The following GALNTL6 variants were observed in gnomAD, a reference collection of about 807,000 sequenced individuals.
GALNTL6 encodes the protein polypeptide N-acetylgalactosaminyltransferase like 6, also known as polypeptide N-acetylgalactosaminyltransferase-like 6.
In GALNTL6, 46 loss-of-function variants were observed where a neutral mutation model predicts 73.7. That is an observed-to-expected ratio of 0.62 (90% CI 0.49 to 0.80). The LOEUF (loss-of-function observed/expected upper bound fraction) is 0.80, where lower values mean the gene tolerates loss of function less well. Ranked by LOEUF, GALNTL6 falls within the 30% of genes least tolerant of loss-of-function variation. GALNTL6 has a pLI of 0.00. For missense variants in GALNTL6, 604 were observed against 755.0 expected (o/e 0.80, Z 2.34); for synonymous variants, 259 against 263.7 (o/e 0.98, Z 0.17).
Position 172,952,240 on chromosome 4 carries a change from G to A in GALNTL6, c.1353G>A (p.Pro451=), listed in dbSNP as rs778756030. The A allele has an allele frequency of 1.1e-5, 17 of 1,613,732 alleles. No homozygotes were observed. In the South Asian group the frequency reaches 1.2e-4, roughly 11 times the overall value. ...AATACTACCCTCCAGTGGAGCCCCCGCCTGCTGCCTGGGGGGAGGTGAGGA... is the reference window on the plus strand; with the variant it reads ...AATACTACCCTCCAGTGGAGCCCCCACCTGCTGCCTGGGGGGAGGTGAGGA... ...VPKYYPPVEP[P]PAAWGEIRNV... Residue 451 remains proline, a synonymous_variant, in exon 10 of 13, where the codon CCG becomes CCA. Transcript: ENST00000506823.
At chr4:172,298,601 C>G (rs1253587147) in intron 3 of GALNTL6, among the ~76,000 whole-genome samples, 2 of 152,074 alleles carry the variant, frequency 1.3e-5, no homozygotes, top group East Asian at 3.9e-4. Context: ...TGTCAAAGAC[C>G]TTTTCTGCAT....
At chr4:172,369,007 A>T (rs922639445) in intron 5 of GALNTL6, among the ~76,000 whole-genome samples, 2 of 152,214 alleles carry the variant, frequency 1.3e-5, no homozygotes, top group Non-Finnish European at 2.9e-5. Flanking sequence ...GCAAAAGAAC[A>T]AAGCTTCCAC....
chr4:172,242,100 AT>A (rs896172262), intron 3 of GALNTL6, among the ~76,000 whole-genome samples: 29 of 151,724 alleles, frequency 1.9e-4, no homozygotes, highest in Admixed American at 9.2e-4. Context: ...TCCACGTATA[AT>A]TTTTTTTTAA....
At chr4:172,610,483 A>G (rs1385723277) in intron 5 of GALNTL6, among the ~76,000 whole-genome samples, 1 of 152,076 alleles carries the variant, frequency 6.6e-6, no homozygotes, top group African/African-American at 2.4e-5. Context: ...CTTAATTTCC[A>G]TACAATTGTA....
intron 2 of GALNTL6, among the ~76,000 whole-genome samples, chr4:171,979,397 A>C (rs1739822818): frequency 6.6e-6 from 1 of 152,192 alleles, no homozygotes; most frequent in Non-Finnish European, 1.5e-5. Context: ...GTGAAAGAAA[A>C]AATATCGACA....
At chr4:172,487,298 C>CTTTCCTTCCTTCTT (rs1733711258) in intron 5 of GALNTL6, among the ~76,000 whole-genome samples, 2 of 60,618 alleles carry the variant, frequency 3.3e-5, no homozygotes, top group Non-Finnish European at 7.7e-5. Flanking sequence ...TTCTTTCCTT[C>CTTTCCTTCCTTCTT]TGTCTTTCTT....
chr4:172,586,015 G>T (rs1250962158), intron 5 of GALNTL6, among the ~76,000 whole-genome samples: 1 of 152,178 alleles, frequency 6.6e-6, no homozygotes, highest in Admixed American at 6.5e-5. Context: ...AAAAATAGAT[G>T]CTGGTGAGGC....
intron 4 of GALNTL6, among the ~76,000 whole-genome samples, chr4:172,339,467 T>C: frequency 6.6e-6 from 1 of 152,080 alleles, no homozygotes; most frequent in African/African-American, 2.4e-5. Flanking sequence ...CAATTCTGGC[T>C]CTGGAGGCTC....
intron 4 of GALNTL6, among the ~76,000 whole-genome samples, chr4:172,338,552 G>T (rs1741430010): frequency 6.6e-6 from 1 of 152,106 alleles, no homozygotes; most frequent in Non-Finnish European, 1.5e-5. Context: ...CCCAACTTCT[G>T]TTGGGTGGTT....
intron 7 of GALNTL6, among the ~76,000 whole-genome samples, chr4:172,880,799 G>A (rs10004584): frequency 0.64 from 96,776 of 151,968 alleles, 32,894 homozygotes; most frequent in East Asian, 0.89. Flanking sequence ...AGGAACATCA[G>A]TAAAGGTACA....
chr4:172,579,293 G>A lies in GALNTL6; in HGVS notation c.554-230068G>A, dbSNP rs570023178. ...GGTATATAATCAAAATTTTTTCAACGCAACAAGTATTTTTGCCCTGCATTT... is the reference window on the plus strand; with the variant it reads ...GGTATATAATCAAAATTTTTTCAACACAACAAGTATTTTTGCCCTGCATTT... On this transcript the variant is annotated intron_variant, in intron 5 of 12. Transcript: ENST00000506823. Among the ~76,000 whole-genome samples, 17 of 152,154 alleles carry A rather than the reference G, an allele frequency of 1.1e-4. No individual in the cohort carries two copies. The South Asian group carries it at 2.9e-3, about 26-fold the overall frequency.
chr4:172,281,793 T>C (rs1739069484), intron 3 of GALNTL6, among the ~76,000 whole-genome samples: 1 of 152,168 alleles, frequency 6.6e-6, no homozygotes, highest in South Asian at 2.1e-4. Flanking sequence ...AAATTCTTAA[T>C]TTAATCACAT....
intron 5 of GALNTL6, among the ~76,000 whole-genome samples, chr4:172,496,553 A>G (rs767765127): frequency 1.3e-5 from 2 of 151,958 alleles, no homozygotes; most frequent in Non-Finnish European, 2.9e-5. Flanking sequence ...AAATTAGGCA[A>G]ACACCTGTAG....
At chr4:172,137,706 T>A (rs978219559) in intron 2 of GALNTL6, among the ~76,000 whole-genome samples, 1 of 152,138 alleles carries the variant, frequency 6.6e-6, no homozygotes, top group African/African-American at 2.4e-5. Flanking sequence ...TTCAATGTGT[T>A]CTGTGATATT....
intron 5 of GALNTL6, among the ~76,000 whole-genome samples, chr4:172,586,808 G>T (rs1191624266): frequency 1.3e-5 from 2 of 152,208 alleles, no homozygotes; most frequent in African/African-American, 2.4e-5. Context: ...GAACGTGAAA[G>T]CTAATTTGTC....
chr4:173,009,126 A>G (rs2099030041), intron 10 of GALNTL6, 52 bp from the exon 11 acceptor site: 1 of 1,190,720 alleles, frequency 8.4e-7, no homozygotes, highest in Admixed American at 1.7e-5. Context: ...TTAGGAGCCA[A>G]TGATAAAATA....
At chr4:172,191,130 G>T (rs75617862) in intron 2 of GALNTL6, among the ~76,000 whole-genome samples, 3,418 of 152,276 alleles carry the variant, frequency 0.022, 45 homozygotes, top group Non-Finnish European at 0.032. Flanking sequence ...TGAACTGTGT[G>T]ATTGCCCTTT....
At chr4:172,325,441 G>C (rs1236642696) in intron 4 of GALNTL6, among the ~76,000 whole-genome samples, 2 of 151,968 alleles carry the variant, frequency 1.3e-5, no homozygotes, top group East Asian at 3.9e-4. Context: ...TTGTGGCCCC[G>C]CTGATTGAAA....
At chr4:171,872,225 CTT>C (rs1028621820) in intron 2 of GALNTL6, among the ~76,000 whole-genome samples, 20 of 152,300 alleles carry the variant, frequency 1.3e-4, no homozygotes, top group Admixed American at 1.2e-3. Flanking sequence ...CCTGACAAGA[CTT>C]TTTCTTGAAT....
Sources: allele counts gnomAD v4.1 joint callset (sites outside exome capture counted in the v4.1 genomes callset), GRCh38; gene constraint gnomAD v4.1.1; transcripts MANE v1.5; gene names NCBI Gene and HGNC (gene_info 2026-07-23, HGNC 2026-07-21).